ZNF804A: variants seen among roughly 807,000 people sequenced by gnomAD.
ZNF804A encodes zinc finger protein 804A.
In ZNF804A, 2 loss-of-function variants were observed where a neutral mutation model predicts 16.5. The ratio of observed to expected loss-of-function variants is 0.12; its 90% CI spans 0.05 to 0.38. The LOEUF (loss-of-function observed/expected upper bound fraction) is 0.38, where lower values mean the gene tolerates loss of function less well. ZNF804A is among the 10% of genes least tolerant of loss of function. ZNF804A has a pLI of 0.99. For missense variants in ZNF804A, 1,473 were observed against 1,390.7 expected (o/e 1.06, Z -0.94); for synonymous variants, 534 against 489.6 (o/e 1.09, Z -1.20).
chr2:184,750,209 A>G (rs1255742385), intron 1 of ZNF804A, among the ~76,000 whole-genome samples: 1 of 151,404 alleles, frequency 6.6e-6, no homozygotes, highest in Non-Finnish European at 1.5e-5. Flanking sequence ...TCTATAAACC[A>G]ACATGGATAC....
chr2:184,633,905 G>C (rs963594288), intron 1 of ZNF804A, among the ~76,000 whole-genome samples: 1 of 152,092 alleles, frequency 6.6e-6, no homozygotes, highest in Non-Finnish European at 1.5e-5. Flanking sequence ...CTGCAAAAGT[G>C]AGATATTTTA....
chr2:184,833,156 T>C (rs1283001217), intron 1 of ZNF804A, among the ~76,000 whole-genome samples: 1 of 152,202 alleles, frequency 6.6e-6, no homozygotes, highest in East Asian at 1.9e-4. Flanking sequence ...ATCTCAGCAA[T>C]GGGATTAAGT....
rs759053144 is a variant in ZNF804A, at chr2:184,604,146, CTTTTTTT to C, written c.111+5111_111+5117del. 7.6e-4 allele frequency among the ~76,000 whole-genome samples: 34 copies of C among 44,862 alleles called. 1 individual carries two copies. The highest frequency in any genetic ancestry group is 4.3e-3 in the South Asian group (3 of 700). 29.4% of individuals were successfully genotyped at this position (44,862 alleles called of 152,430 possible). Reference sequence around the variant, plus strand: ...TTCAGGTTATGGATGACTGCAATTACTTTTTTTTTTTTTTTTTTTTTTTTTTTTTTTT... The same window carrying C: ...TTCAGGTTATGGATGACTGCAATTACTTTTTTTTTTTTTTTTTTTTTTTTT... On this transcript the variant is annotated intron_variant, in intron 1 of 3. Coordinates refer to ENST00000302277, the MANE Select transcript of ZNF804A (RefSeq NM_194250.2).
intron 1 of ZNF804A, among the ~76,000 whole-genome samples, chr2:184,601,574 G>A (rs986159009): frequency 5.3e-5 from 8 of 151,752 alleles, no homozygotes; most frequent in African/African-American, 1.9e-4. Context: ...AGATAAACTT[G>A]TGTTTATCGT....
intron 1 of ZNF804A, among the ~76,000 whole-genome samples, chr2:184,604,755 C>A (rs1385922161): frequency 6.6e-6 from 1 of 152,030 alleles, no homozygotes; most frequent in Non-Finnish European, 1.5e-5. Flanking sequence ...GTTCGAGGAC[C>A]GAAGTTTACC....
chr2:184,659,568 C>A (rs199587278), intron 1 of ZNF804A, among the ~76,000 whole-genome samples: 1 of 151,888 alleles, frequency 6.6e-6, no homozygotes, highest in Non-Finnish European at 1.5e-5. Context: ...ATATTATTTT[C>A]AGTTTATCAA....
chr2:184,737,715 A>G (rs1256055544), intron 1 of ZNF804A, among the ~76,000 whole-genome samples: 1 of 152,216 alleles, frequency 6.6e-6, no homozygotes, highest in Non-Finnish European at 1.5e-5. Flanking sequence ...ATAGTAATAT[A>G]CATTTCTGTA....
intron 1 of ZNF804A, among the ~76,000 whole-genome samples, chr2:184,739,250 T>C (rs1391430723): frequency 6.6e-6 from 1 of 152,254 alleles, no homozygotes; most frequent in Non-Finnish European, 1.5e-5. Context: ...AAAATAGTCA[T>C]GTATTCTCCA....
intron 1 of ZNF804A, among the ~76,000 whole-genome samples, chr2:184,791,902 T>C (rs770134674): frequency 2.6e-5 from 4 of 152,200 alleles, no homozygotes; most frequent in Non-Finnish European, 5.9e-5. Context: ...CAGAATGCTA[T>C]ATAGTTGGAA....
At chr2:184,663,863 C>A (rs1259956385) in intron 1 of ZNF804A, among the ~76,000 whole-genome samples, 2 of 152,132 alleles carry the variant, frequency 1.3e-5, no homozygotes, top group Non-Finnish European at 2.9e-5. Flanking sequence ...ATCTCAGTCT[C>A]CTTCATAGCA....
intron 1 of ZNF804A, among the ~76,000 whole-genome samples, chr2:184,614,441 T>G (rs1691288005): frequency 6.6e-6 from 1 of 152,130 alleles, no homozygotes; most frequent in Admixed American, 6.6e-5. Flanking sequence ...AAATAAGATC[T>G]AATTAAACTA....
At chr2:184,885,344 C>T (rs76795293) in intron 2 of ZNF804A, among the ~76,000 whole-genome samples, 9,786 of 152,190 alleles carry the variant, frequency 0.064, 1,071 homozygotes, top group African/African-American at 0.22. Flanking sequence ...ATTGGGTATA[C>T]ACTCAAAGGA....
chr2:184,935,641 T>TA (rs2105843419), intron 3 of ZNF804A, 142 bp from the exon 4 acceptor site: 3 of 898,100 alleles, frequency 3.3e-6, no homozygotes, highest in East Asian at 5.4e-5. Flanking sequence ...GGAAAGTACT[T>TA]ACACCATATG....
intron 1 of ZNF804A, among the ~76,000 whole-genome samples, chr2:184,648,209 C>G (rs1211435728): frequency 6.6e-6 from 1 of 152,110 alleles, no homozygotes; most frequent in East Asian, 1.9e-4. Flanking sequence ...ACCAAGGAAG[C>G]ACTAGATAAT....
intron 1 of ZNF804A, among the ~76,000 whole-genome samples, chr2:184,720,795 G>A (rs1009376120): frequency 6.6e-6 from 1 of 151,934 alleles, no homozygotes; most frequent in Non-Finnish European, 1.5e-5. Context: ...ACCTCAAATA[G>A]CCAAAGCAAT....
chr2:184,807,066 A>T, intron 1 of ZNF804A, among the ~76,000 whole-genome samples: 1 of 151,714 alleles, frequency 6.6e-6, no homozygotes, highest in Non-Finnish European at 1.5e-5. Flanking sequence ...CCCCTGTCCA[A>T]CTTGGCATAG....
In ZNF804A at chr2:184,873,357, C is replaced by G. The variant is rs1028901231; in HGVS notation, c.255+6845C>G. Among the ~76,000 whole-genome samples, 7 of 152,128 alleles carry G rather than the reference C, an allele frequency of 4.6e-5. No individual in the cohort carries two copies. In the East Asian group the frequency reaches 5.8e-4, roughly 13 times the overall value. ...ACAAAAATTAGCTGGCCATGAAGGGCCATGCCTGTAGTCCCAGCTATGCAG... is the reference window on the plus strand; with the variant it reads ...ACAAAAATTAGCTGGCCATGAAGGGGCATGCCTGTAGTCCCAGCTATGCAG... On this transcript the variant is annotated intron_variant, in intron 2 of 3. Coordinates refer to ENST00000302277, the MANE Select transcript of ZNF804A (RefSeq NM_194250.2).
intron 1 of ZNF804A, among the ~76,000 whole-genome samples, chr2:184,844,895 G>T (rs1177401968): frequency 6.6e-6 from 1 of 151,706 alleles, no homozygotes; most frequent in African/African-American, 2.4e-5. Context: ...TAGATGTTTT[G>T]TTCTGCTTAT....
chr2:184,802,078 A>G (rs547312204), intron 1 of ZNF804A, among the ~76,000 whole-genome samples: 1 of 152,142 alleles, frequency 6.6e-6, no homozygotes, highest in Non-Finnish European at 1.5e-5. Flanking sequence ...GCTGTAATCC[A>G]CTTTTATTAT....
Sources: allele counts gnomAD v4.1 joint callset (sites outside exome capture counted in the v4.1 genomes callset), GRCh38; gene constraint gnomAD v4.1.1; transcripts MANE v1.5; gene names NCBI Gene and HGNC (gene_info 2026-07-23, HGNC 2026-07-21).